Variants in PDE4B observed in about 807,000 individuals in gnomAD.
PDE4B encodes phosphodiesterase 4B.
PDE4B carries 20 observed loss-of-function variants against 82.2 expected under a neutral mutation model. That is an observed-to-expected ratio of 0.24 (90% CI 0.17 to 0.35). PDE4B has a LOEUF of 0.35. Ranked by LOEUF, PDE4B falls within the 10% of genes least tolerant of loss-of-function variation. The probability of loss-of-function intolerance (pLI) is 1.00; values close to 1 mark genes in which losing one functional copy is unlikely to be tolerated. For missense variants in PDE4B, 655 were observed against 907.2 expected (o/e 0.72, Z 3.57); for synonymous variants, 320 against 318.9 (o/e 1.00, Z -0.04).
At chr1:66,164,360 C>A (rs1354408433) in intron 3 of PDE4B, among the ~76,000 whole-genome samples, 7 of 151,414 alleles carry the variant, frequency 4.6e-5, no homozygotes, top group African/African-American at 1.5e-4. Flanking sequence ...CATGGTGAAA[C>A]CCCATCTCTA....
chr1:66,186,712 A>G (rs1254828403), intron 3 of PDE4B, among the ~76,000 whole-genome samples: 1 of 152,188 alleles, frequency 6.6e-6, no homozygotes, highest in African/African-American at 2.4e-5. Flanking sequence ...GAAGTTGCCT[A>G]TCAGCTTAAG....
chr1:66,367,915 A>G, intron 14 of PDE4B, 28 bp from the exon 15 acceptor site: 1 of 1,613,152 alleles, frequency 6.2e-7, no homozygotes, highest in Non-Finnish European at 8.5e-7. Context: ...TGAATTTATT[A>G]AGAGTTTTCA....
intron 3 of PDE4B, among the ~76,000 whole-genome samples, chr1:65,957,076 TTTC>T (rs1028551744): frequency 3.3e-5 from 5 of 152,092 alleles, no homozygotes; most frequent in African/African-American, 1.2e-4. Flanking sequence ...CTCTTTTGTT[TTTC>T]TTCTTTATTA....
chr1:66,020,182 T>C (rs1653011260), intron 3 of PDE4B, among the ~76,000 whole-genome samples: 1 of 152,324 alleles, frequency 6.6e-6, no homozygotes, highest in South Asian at 2.1e-4. Context: ...TGGTCAACAG[T>C]GTAGCTAGGC....
At chr1:66,122,522 A>G (rs529516427) in intron 3 of PDE4B, among the ~76,000 whole-genome samples, 1 of 152,296 alleles carries the variant, frequency 6.6e-6, no homozygotes, top group East Asian at 1.9e-4. Flanking sequence ...TTATTGGACT[A>G]TGACTGATTA....
intron 1 of PDE4B, among the ~76,000 whole-genome samples, chr1:65,853,445 AT>A (rs1207229986): frequency 2.7e-5 from 4 of 150,910 alleles, no homozygotes; most frequent in African/African-American, 9.7e-5. Flanking sequence ...TTCCTCTTTT[AT>A]TCTTTTTGTG....
chr1:66,271,901 A>G (rs72679155), intron 7 of PDE4B, among the ~76,000 whole-genome samples: 10,334 of 152,252 alleles, frequency 0.068, 492 homozygotes, highest in South Asian at 0.17. Context: ...GTCTCCTCCA[A>G]ACACACACAC....
At chr1:66,283,635 C>T (rs1378046245) in intron 7 of PDE4B, among the ~76,000 whole-genome samples, 1 of 151,990 alleles carries the variant, frequency 6.6e-6, no homozygotes, top group Middle Eastern at 3.2e-3. Context: ...TTCAATATTT[C>T]TCTTCTTTCT....
At chr1:66,290,374 A>G (rs575010337) in intron 7 of PDE4B, among the ~76,000 whole-genome samples, 6 of 152,282 alleles carry the variant, frequency 3.9e-5, no homozygotes, top group Admixed American at 2.0e-4. Flanking sequence ...AGTTTCATTT[A>G]TTAACTCAAT....
chr1:66,160,303 A>G (rs1044204216), intron 3 of PDE4B, among the ~76,000 whole-genome samples: 1 of 152,166 alleles, frequency 6.6e-6, no homozygotes, highest in Admixed American at 6.5e-5. Context: ...TACCCTTTCA[A>G]TCCTTTCAAT....
At chr1:65,809,209 TAATCCCAGCTACTTGGGA>T (rs1376386622) in intron 1 of PDE4B, among the ~76,000 whole-genome samples, 1 of 151,826 alleles carries the variant, frequency 6.6e-6, no homozygotes, top group Non-Finnish European at 1.5e-5. Flanking sequence ...CACGGGCCTG[TAATCCCAGCTACTTGGGA>T]GGCTTAAGCA....
chr1:65,817,842 AGAT>A (rs1387801773), intron 1 of PDE4B, among the ~76,000 whole-genome samples: 1 of 152,206 alleles, frequency 6.6e-6, no homozygotes, highest in Non-Finnish European at 1.5e-5. Context: ...TTATAATTGA[AGAT>A]GATATTCATT....
At chr1:66,127,662 A>G (rs1279654720) in intron 3 of PDE4B, among the ~76,000 whole-genome samples, 2 of 152,150 alleles carry the variant, frequency 1.3e-5, no homozygotes, top group East Asian at 3.8e-4. Flanking sequence ...TTTCTCAAGT[A>G]TATTCAGGAG....
At chr1:66,253,964 T>C (rs1057437682) in intron 4 of PDE4B, among the ~76,000 whole-genome samples, 11 of 152,236 alleles carry the variant, frequency 7.2e-5, no homozygotes, top group African/African-American at 2.4e-4. Context: ...TGTTTCTTTA[T>C]CTCCCTTTAA....
intron 3 of PDE4B, among the ~76,000 whole-genome samples, chr1:66,210,381 A>G (rs1388934718): frequency 6.6e-6 from 1 of 152,038 alleles, no homozygotes; most frequent in Non-Finnish European, 1.5e-5. Context: ...GCAGATCACG[A>G]GGTCAAGAGA....
At chr1:66,000,479 C>T (rs1651805183) in intron 3 of PDE4B, among the ~76,000 whole-genome samples, 1 of 152,192 alleles carries the variant, frequency 6.6e-6, no homozygotes, top group African/African-American at 2.4e-5. Context: ...GAAAAGACGT[C>T]ACTGAGAGGG....
intron 7 of PDE4B, among the ~76,000 whole-genome samples, chr1:66,311,631 G>T (rs964541740): frequency 1.3e-5 from 2 of 152,366 alleles, no homozygotes; most frequent in African/African-American, 4.8e-5. Flanking sequence ...CGAGTGCCCA[G>T]CAGCAGCAGT....
intron 3 of PDE4B, among the ~76,000 whole-genome samples, chr1:66,101,201 T>A (rs1398484168): frequency 6.6e-6 from 1 of 152,224 alleles, no homozygotes; most frequent in Non-Finnish European, 1.5e-5. Context: ...ATGGTGTATA[T>A]GTGCCACATT....
intron 3 of PDE4B, among the ~76,000 whole-genome samples, chr1:65,950,666 C>T (rs916223242): frequency 9.9e-5 from 15 of 151,968 alleles, no homozygotes; most frequent in African/African-American, 3.6e-4. Context: ...GTATCCCATG[C>T]CAGGAGGTCA....
Sources: gnomAD v4.1 joint callset for allele counts (sites outside exome capture counted in the v4.1 genomes callset) on GRCh38, gnomAD v4.1.1 for gene constraint, MANE v1.5 for transcripts, NCBI Gene and HGNC (gene_info 2026-07-23, HGNC 2026-07-21) for gene names.